Variants in ECPAS observed in about 807,000 individuals in gnomAD.
ECPAS encodes proteasome adapter and scaffold protein ECM29.
In ECPAS, 70 loss-of-function variants were observed where a neutral mutation model predicts 255.1. The observed-to-expected ratio is 0.27, with a 90% CI of 0.23 to 0.33. ECPAS has a LOEUF of 0.33. Among genes scored for constraint, ECPAS ranks in the 10% least tolerant of loss-of-function variants. The pLI, the probability that ECPAS is intolerant of heterozygous loss-of-function variation, is 1.00. For synonymous variants in ECPAS, 784 were observed against 775.0 expected, an observed-to-expected ratio of 1.01 and a Z score of -0.19; for missense variants, 1,817 against 2,206.4, an observed-to-expected ratio of 0.82 and a Z score of 3.54.
Position 111,414,528 on chromosome 9 carries a change from T to C in ECPAS, c.1888A>G (p.Ser630Gly), listed in dbSNP as rs2098200051. Residue 630 changes from serine to glycine, a missense_variant, in exon 19 of 50, where the codon AGC becomes GGC. This residue lies in a region of ECPAS where 573 missense variants were observed against 716.2 expected (regional missense o/e 0.80). Coordinates refer to ENST00000684092, the MANE Select transcript of ECPAS (RefSeq NM_001364929.1). ...GATGATGAGGGTGCCATCTGCCCGC[T>C]TGACATTAAAGTCCGTATGTAGCGC... ...IGRYIRTLMS[S>G]GQMAPSSSNK... The C allele has an allele frequency of 1.2e-6, 2 of 1,613,912 alleles. No individual in the cohort carries two copies. The highest frequency in any genetic ancestry group is 1.7e-5 in the Admixed American group (1 of 60,004).
intron 49 of ECPAS, among the ~76,000 whole-genome samples, chr9:111,362,658 A>AT (rs2098115205): frequency 6.6e-6 from 1 of 152,160 alleles, no homozygotes; most frequent in Non-Finnish European, 1.5e-5. Context: ...GCACATTGAA[A>AT]TTTTTAGAAA....
At chr9:111,450,671 T>C (rs2131958440) in intron 3 of ECPAS, among the ~76,000 whole-genome samples, 1 of 152,342 alleles carries the variant, frequency 6.6e-6, no homozygotes, top group African/African-American at 2.4e-5. Context: ...CTCATGCCTG[T>C]AATCCCAGCA....
chr9:111,478,828 T>C (rs2098299903), intron 1 of ECPAS, among the ~76,000 whole-genome samples: 1 of 152,234 alleles, frequency 6.6e-6, no homozygotes, highest in Non-Finnish European at 1.5e-5. Flanking sequence ...TGTTTACACA[T>C]ATTCTTCCTC....
intron 45 of ECPAS, 87 bp from the exon 46 acceptor site, chr9:111,369,260 G>A: frequency 2.1e-6 from 2 of 967,230 alleles, no homozygotes; most frequent in South Asian, 7.3e-5. Flanking sequence ...TACCAACCAA[G>A]GCAGGAGATA....
At chr9:111,384,884 T>C (rs1248718225) in intron 33 of ECPAS, among the ~76,000 whole-genome samples, 5 of 152,078 alleles carry the variant, frequency 3.3e-5, no homozygotes, top group Non-Finnish European at 7.4e-5. Flanking sequence ...CTGAAACACT[T>C]AAAAGCCTCC....
intron 5 of ECPAS, 41 bp downstream of exon 5, chr9:111,442,265 A>G (rs760351692): frequency 7.7e-7 from 1 of 1,300,414 alleles, no homozygotes; most frequent in South Asian, 1.3e-5. Context: ...GCAGTTGTTG[A>G]CTCCTGTAGG....
At chr9:111,386,548 C>A (rs2098148922) in intron 31 of ECPAS, 92 bp from the exon 32 acceptor site, 2 of 709,534 alleles carry the variant, frequency 2.8e-6, no homozygotes. Flanking sequence ...CCACACTTAA[C>A]CACACTGACC....
chr9:111,413,905 T>C lies in ECPAS; in HGVS notation c.2069A>G (p.Glu690Gly). The C allele has an allele frequency of 1.3e-6, 2 of 1,570,884 alleles. No homozygotes were observed. The highest frequency in any genetic ancestry group is 4.6e-5 in the East Asian group (2 of 43,632). Residue 690 changes from glutamate (E) to glycine (G), a missense_variant, in exon 20 of 50, where the codon GAA becomes GGA. This residue lies in a region of ECPAS where 573 missense variants were observed against 716.2 expected (regional missense o/e 0.80). Transcript: ENST00000684092. Reference sequence around the variant, plus strand: ...ACATGCAGAACATACCTTTATCCATTCTGTTTTGTCTACAAATTTGGTAGC... The same window carrying C: ...ACATGCAGAACATACCTTTATCCATCCTGTTTTGTCTACAAATTTGGTAGC... ...KLATKFVDKT[E>G]WIKSLMNNSK...
chr9:111,483,414 T>C (rs2098309864), intron 1 of ECPAS: 3 of 586,220 alleles, frequency 5.1e-6, no homozygotes, highest in Non-Finnish European at 6.4e-6. Flanking sequence ...CCACCGGGCC[T>C]GGCGCCCCAG....
rs890804211 is a variant in ECPAS at position 111,372,544 on chromosome 9, A to C, written c.4413T>G (p.His1471Gln). The change falls in exon 42 of 50, where the codon CAT (histidine) becomes CAG (glutamine). Residue 1471 changes from histidine to glutamine, a missense_variant. Physicochemically the swap from His to Gln is conservative, Grantham distance 24 (BLOSUM62 0). Around this residue, in one of 4 missense-constraint regions of ECPAS, gnomAD observed 960 missense variants for 1,179.0 expected, o/e 0.81. Coordinates refer to ENST00000684092, the MANE Select transcript of ECPAS (RefSeq NM_001364929.1). ...ATGCCAGAGGCAGGACTTCTTTTGC[A>C]TGATTCTTTAATACATCAGGGCTGT... ...GRYSPDVLKN[H>Q]AKEVLPLAFL... 2 of 1,613,742 alleles carry C rather than the reference A, an allele frequency of 1.2e-6. No individual in the cohort carries two copies. Among genetic ancestry groups the C allele is most frequent in the Non-Finnish European group, 1.7e-6 (2 of 1,179,824 alleles).
intron 23 of ECPAS, 76 bp from the exon 24 acceptor site, chr9:111,408,748 A>G: frequency 1.2e-6 from 1 of 841,426 alleles, no homozygotes; most frequent in Non-Finnish European, 1.8e-6. Context: ...TTCCAAAATG[A>G]GATGACAGGG....
intron 31 of ECPAS, among the ~76,000 whole-genome samples, chr9:111,388,594 G>A (rs2098154212): frequency 6.6e-6 from 1 of 151,960 alleles, no homozygotes; most frequent in South Asian, 2.1e-4. Flanking sequence ...AACCCAAAAT[G>A]GCACAATCTA....
intron 48 of ECPAS, among the ~76,000 whole-genome samples, chr9:111,364,632 G>A (rs960209341): frequency 6.6e-6 from 1 of 152,138 alleles, no homozygotes; most frequent in Non-Finnish European, 1.5e-5. Flanking sequence ...TTAAAGAAGA[G>A]AAACAAATTA....
At chr9:111,408,261 G>T (rs1300668160) in intron 24 of ECPAS, among the ~76,000 whole-genome samples, 3 of 152,148 alleles carry the variant, frequency 2.0e-5, no homozygotes, top group Non-Finnish European at 4.4e-5. Flanking sequence ...AAACACTCAA[G>T]AACTACTGTT....
At chr9:111,472,064 T>C (rs944446149) in intron 2 of ECPAS, among the ~76,000 whole-genome samples, 5 of 151,966 alleles carry the variant, frequency 3.3e-5, no homozygotes, top group African/African-American at 9.7e-5. Context: ...ATCGTGCCAC[T>C]GCACTCTAGC....
chr9:111,404,893 A>G (rs888267899), intron 24 of ECPAS, among the ~76,000 whole-genome samples: 4 of 149,160 alleles, frequency 2.7e-5, no homozygotes, highest in Non-Finnish European at 5.9e-5. Flanking sequence ...ACTATAAAAC[A>G]TTGATGAAAA....
chr9:111,444,458 T>G lies in ECPAS; in HGVS notation c.190A>C (p.Lys64Gln). 1 of 1,613,886 alleles carries G rather than the reference T, an allele frequency of 6.2e-7. No homozygotes were observed. Among genetic ancestry groups the G allele is most frequent in the Non-Finnish European group, 8.5e-7 (1 of 1,179,786 alleles). The change falls in exon 4 of 50, where the codon AAA becomes CAA. Residue 64 changes from lysine to glutamine, a missense_variant. Around this residue, in one of 4 missense-constraint regions of ECPAS, gnomAD observed 90 missense variants for 158.5 expected, o/e 0.57. Coordinates refer to ENST00000684092, the MANE Select transcript of ECPAS (RefSeq NM_001364929.1). ...GGAAGTTGTATTTTGGGGCGGCTTT[T>G]TATACGTTTATTCAGATGGACCAGC... The part of the protein sequence containing the change: ...ELLVHLNKRI[K>Q]SRPKIQLPVE...
intron 2 of ECPAS, among the ~76,000 whole-genome samples, chr9:111,471,512 CTAACAGTTAAATTAGAAGA>C (rs1260646516): frequency 2.6e-5 from 4 of 152,028 alleles, no homozygotes; most frequent in African/African-American, 9.7e-5. Context: ...GAGAAGGGGT[CTAACAGTTAAATTAGAAGA>C]TAGCAACAAA....
chr9:111,478,370 T>C (rs949355655), intron 1 of ECPAS, among the ~76,000 whole-genome samples: 8 of 151,634 alleles, frequency 5.3e-5, no homozygotes, highest in African/African-American at 1.5e-4. Context: ...CTACTAAAAA[T>C]ACAAAAATAA....
Sources: gnomAD v4.1 joint callset for allele counts (sites outside exome capture counted in the v4.1 genomes callset) on GRCh38, gnomAD v4.1.1 for gene constraint, gnomAD v4.1.1 regional missense constraint, MANE v1.5 for transcripts, NCBI Gene and HGNC (gene_info 2026-07-23, HGNC 2026-07-21) for gene names.